ST8SIA4: variants seen among roughly 807,000 people sequenced by gnomAD.
ST8SIA4 encodes the protein CMP-N-acetylneuraminate-poly-alpha-2,8-sialyltransferase.
In ST8SIA4, 15 loss-of-function variants were observed where a neutral mutation model predicts 33.9. The observed-to-expected ratio is 0.44, with a 90% CI of 0.30 to 0.68. The LOEUF (loss-of-function observed/expected upper bound fraction) is 0.68. Among genes scored for constraint, ST8SIA4 ranks in the 30% least tolerant of loss-of-function variants. The pLI is 0.10. For missense variants in ST8SIA4, 321 were observed against 428.0 expected (o/e 0.75, Z 2.21); for synonymous variants, 171 against 151.2 (o/e 1.13, Z -0.96).
At chr5:100,816,967 C>T (rs1387020817) in intron 4 of ST8SIA4, among the ~76,000 whole-genome samples, 2 of 149,922 alleles carry the variant, frequency 1.3e-5, no homozygotes, top group Admixed American at 1.3e-4. Flanking sequence ...CAGAGTCTCA[C>T]TCTGTCGCTG....
intron 4 of ST8SIA4, among the ~76,000 whole-genome samples, chr5:100,814,890 C>T (rs1750882314): frequency 6.6e-6 from 1 of 151,924 alleles, no homozygotes; most frequent in Non-Finnish European, 1.5e-5. Context: ...GAAATCCATA[C>T]CTGAATGTAT....
intron 4 of ST8SIA4, among the ~76,000 whole-genome samples, chr5:100,823,531 C>G (rs1751077200): frequency 6.6e-6 from 1 of 152,182 alleles, no homozygotes; most frequent in Non-Finnish European, 1.5e-5. Context: ...AATACCTGCT[C>G]ATATAACACT....
chr5:100,888,093 A>C (rs1445485475), intron 2 of ST8SIA4, among the ~76,000 whole-genome samples: 1 of 151,834 alleles, frequency 6.6e-6, no homozygotes, highest in Non-Finnish European at 1.5e-5. Flanking sequence ...TAATTAGAGG[A>C]GAGTTCCAAG....
Position 100,886,524 on chromosome 5 carries a change from T to A in ST8SIA4, c.322A>T (p.Ile108Leu). 6.2e-7 allele frequency: 1 copy of A among 1,613,932 alleles called. No individual in the cohort carries two copies. The highest frequency in any genetic ancestry group is 1.1e-5 in the South Asian group (1 of 91,084). The change falls in exon 3 of 5, where the codon ATA becomes TTA. Residue 108 changes from isoleucine to leucine, a missense_variant. Ile to Leu is a conservative substitution (Grantham distance 5). Transcript: ENST00000231461. ...VKSSFKPGDV[I>L]HYVLDRRRTL... ...CGGCGCCTGTCAAGCACATAGTGTA[T>A]GACATCACCAGGCTTAAAACTGCTC...
chr5:100,883,037 A>G (rs1047829922), intron 3 of ST8SIA4, among the ~76,000 whole-genome samples: 7 of 152,172 alleles, frequency 4.6e-5, no homozygotes, highest in African/African-American at 1.7e-4. Flanking sequence ...AGCTGTGAGA[A>G]GAGGGCCACC....
At chr5:100,896,173 C>T (rs1369426611) in intron 1 of ST8SIA4, among the ~76,000 whole-genome samples, 1 of 151,942 alleles carries the variant, frequency 6.6e-6, no homozygotes, top group Non-Finnish European at 1.5e-5. Context: ...CCATTATTCA[C>T]AATAGCTAAG....
At chr5:100,824,075 C>G (rs919744397) in intron 4 of ST8SIA4, among the ~76,000 whole-genome samples, 4 of 152,170 alleles carry the variant, frequency 2.6e-5, no homozygotes, top group Admixed American at 6.5e-5. Context: ...TAAAGCCTCT[C>G]TAATCACTTG....
intron 4 of ST8SIA4, chr5:100,816,365 AC>A (rs1363537028): frequency 1.2e-5 from 5 of 402,550 alleles, no homozygotes; most frequent in Non-Finnish European, 2.0e-5. Context: ...AGTTTTAGGA[AC>A]AAAAATGTTA....
intron 3 of ST8SIA4, among the ~76,000 whole-genome samples, chr5:100,881,891 T>C (rs1752433421): frequency 6.6e-6 from 1 of 152,216 alleles, no homozygotes; most frequent in African/African-American, 2.4e-5. Flanking sequence ...CCTCCCACCA[T>C]AATTCTGAGG....
At chr5:100,900,783 G>T (rs1260134849) in intron 1 of ST8SIA4, among the ~76,000 whole-genome samples, 3 of 130,120 alleles carry the variant, frequency 2.3e-5, no homozygotes, top group South Asian at 5.7e-4. Flanking sequence ...TGGGGTGGGG[G>T]TGGAAGGAGG....
At position 100,829,845 on chromosome 5, in the gene ST8SIA4, T is replaced by C. The variant is rs185442341; in HGVS notation, c.798-17716A>G. Among the ~76,000 whole-genome samples the C allele has an allele frequency of 2.3e-3, 341 of 151,434 alleles. 6 individuals are homozygous for C. The highest frequency in any genetic ancestry group is 8.8e-4 in the Non-Finnish European group (60 of 67,908). On this transcript the variant is annotated intron_variant, in intron 4 of 4. Transcript: ENST00000231461. ...ATGGCGTGAACCCGGGAGGCGGAGC[T>C]TGCAGTGAGCCGAGATCGCGCCACT...
Position 100,895,722 on chromosome 5 carries a change from A to G in ST8SIA4, c.177T>C (p.Ala59=), listed in dbSNP as rs1752765481. Residue 59 remains alanine, a synonymous_variant, in exon 2 of 5, where the codon GCT becomes GCC. Coordinates refer to ENST00000231461, the MANE Select transcript of ST8SIA4 (RefSeq NM_005668.6). The part of the protein sequence containing the change: ...VNSSDKIIRK[A]GSSIFQHNVE... ...CATTGTGCTGGAAGATTGAAGAGCC[A>G]GCCTTTCGAATGATTTTATCAGAGC... 6.2e-7 allele frequency: 1 copy of G among 1,612,894 alleles called. No individual in the cohort carries two copies. The highest frequency in any genetic ancestry group is 1.1e-5 in the South Asian group (1 of 91,052).
chr5:100,894,855 T>G (rs181261640), intron 2 of ST8SIA4, among the ~76,000 whole-genome samples: 1 of 152,206 alleles, frequency 6.6e-6, no homozygotes, highest in Admixed American at 6.5e-5. Flanking sequence ...ATTAATTGAC[T>G]TTTGGATTAT....
intron 4 of ST8SIA4, among the ~76,000 whole-genome samples, chr5:100,818,053 A>G (rs1468305723): frequency 6.6e-6 from 1 of 152,196 alleles, no homozygotes; most frequent in African/African-American, 2.4e-5. Context: ...GTTATGTCAT[A>G]GCTGAGGACA....
At chr5:100,818,872 C>T (rs1034179389) in intron 4 of ST8SIA4, among the ~76,000 whole-genome samples, 1 of 152,148 alleles carries the variant, frequency 6.6e-6, no homozygotes, top group Non-Finnish European at 1.5e-5. Context: ...TATCTGACGT[C>T]TATCAGAGAA....
At chr5:100,900,402 G>A (rs761747333) in intron 1 of ST8SIA4, 4 of 456,054 alleles carry the variant, frequency 8.8e-6, no homozygotes, top group South Asian at 6.2e-5. Flanking sequence ...CGTGGCTTGG[G>A]TAGAAAGACA....
intron 4 of ST8SIA4, among the ~76,000 whole-genome samples, chr5:100,814,913 AAT>A (rs1389664841): frequency 1.3e-5 from 2 of 152,018 alleles, no homozygotes; most frequent in Non-Finnish European, 2.9e-5. Flanking sequence ...ACCTATACAC[AAT>A]TTGATATTTG....
chr5:100,867,642 G>A (rs955444609), intron 3 of ST8SIA4, among the ~76,000 whole-genome samples: 13 of 151,912 alleles, frequency 8.6e-5, no homozygotes, highest in Non-Finnish European at 1.6e-4. Context: ...CCACAGAAAT[G>A]TCGCTTTGAC....
At chr5:100,867,986 A>C (rs1003389542) in intron 3 of ST8SIA4, among the ~76,000 whole-genome samples, 1 of 152,036 alleles carries the variant, frequency 6.6e-6, no homozygotes, top group Non-Finnish European at 1.5e-5. Flanking sequence ...TAACAGATTC[A>C]TACTTTGACC....
Sources: gnomAD v4.1 joint callset for allele counts (sites outside exome capture counted in the v4.1 genomes callset) on GRCh38, gnomAD v4.1.1 for gene constraint, MANE v1.5 for transcripts, NCBI Gene and HGNC (gene_info 2026-07-23, HGNC 2026-07-21) for gene names.